Variants in PARP14 observed in about 807,000 individuals in gnomAD.
The protein encoded by PARP14 is poly(ADP-ribose) polymerase family member 14.
PARP14 carries 59 observed loss-of-function variants against 154.2 expected under a neutral mutation model. The ratio of observed to expected loss-of-function variants is 0.38; its 90% CI spans 0.31 to 0.48. PARP14 has a LOEUF of 0.48. Among genes scored for constraint, PARP14 ranks in the 20% least tolerant of loss-of-function variants. The pLI is 0.98. For synonymous variants in PARP14, 720 were observed against 780.5 expected (o/e 0.92, Z 1.29); for missense variants, 1,734 against 2,131.6 (o/e 0.81, Z 3.67).
intron 1 of PARP14, among the ~76,000 whole-genome samples, chr3:122,684,635 C>G (rs1192412483): frequency 6.6e-6 from 1 of 151,984 alleles, no homozygotes; most frequent in African/African-American, 2.4e-5. Flanking sequence ...AAAATCTCCC[C>G]CTTCTTTTAT....
chr3:122,700,279 T>C lies in PARP14; in HGVS notation c.1725T>C (p.Val575=). 3 of 1,613,264 alleles carry C rather than the reference T, an allele frequency of 1.9e-6. No individual in the cohort carries two copies. Among genetic ancestry groups the C allele is most frequent in the Non-Finnish European group, 2.5e-6 (3 of 1,179,524 alleles). The part of the protein sequence containing the change: ...LALYELEGTT[V]LLTSCSSEAL... Reference sequence around the variant, plus strand: ...TTTATGAGCTAGAGGGTACAACTGTTCTCTTAACCAGCTGTTCTTCTGAAG... The same window carrying C: ...TTTATGAGCTAGAGGGTACAACTGTCCTCTTAACCAGCTGTTCTTCTGAAG... Residue 575 remains valine (V), a synonymous_variant, in exon 6 of 17, where the codon GTT becomes GTC. Coordinates refer to ENST00000474629, the MANE Select transcript of PARP14 (RefSeq NM_017554.3).
intron 4 of PARP14, among the ~76,000 whole-genome samples, chr3:122,693,242 G>A (rs1938597003): frequency 6.6e-6 from 1 of 152,198 alleles, no homozygotes; most frequent in African/African-American, 2.4e-5. Flanking sequence ...CAGACAATGA[G>A]TGCTCTTTAA....
At chr3:122,713,310 T>G in intron 9 of PARP14, 114 bp from the exon 10 acceptor site, 1 of 754,032 alleles carries the variant, frequency 1.3e-6, no homozygotes, top group Non-Finnish European at 2.1e-6. Context: ...AGACCAGAGG[T>G]CACAGAAAGA....
chr3:122,683,886 G>A (rs1346973762), intron 1 of PARP14, among the ~76,000 whole-genome samples: 1 of 152,168 alleles, frequency 6.6e-6, no homozygotes, highest in Non-Finnish European at 1.5e-5. Context: ...TAAATAACTT[G>A]ACTTACAAAA....
At chr3:122,690,700 C>T (rs960147126) in intron 3 of PARP14, among the ~76,000 whole-genome samples, 1 of 152,160 alleles carries the variant, frequency 6.6e-6, no homozygotes, top group Non-Finnish European at 1.5e-5. Context: ...TTGGTAGAGA[C>T]AGGGTTTCAT....
At position 122,713,543 on chromosome 3, in the gene PARP14, T is replaced by G; in HGVS notation, c.3739T>G (p.Ser1247Ala). The stretch of plus-strand genomic sequence containing the variant: ...AGAAGAGGCAGATGTGATTGTAAAT[T>G]CAACATCAAACTCATTCAATCTCAA... ...TKEEADVIVN[S>A]TSNSFNLKAG... Residue 1247 changes from serine to alanine, a missense_variant, in exon 10 of 17, where the codon TCA becomes GCA. Coordinates refer to ENST00000474629, the MANE Select transcript of PARP14 (RefSeq NM_017554.3). 6.2e-7 allele frequency: 1 copy of G among 1,613,816 alleles called. No individual in the cohort carries two copies. Among genetic ancestry groups the G allele is most frequent in the Non-Finnish European group, 8.5e-7 (1 of 1,179,724 alleles).
rs1426842404 is a variant in PARP14 at position 122,699,790 on chromosome 3, C to T, written c.1236C>T (p.Thr412=). The stretch of plus-strand genomic sequence containing the variant: ...AAGTGGATCCAACAATGTGGGACAC[C>T]ATAAAAAATGATGTGAAAGATGACA... The part of the protein sequence containing the change: ...PIKVDPTMWD[T]IKNDVKDDRI... The change falls in exon 6 of 17, where the codon ACC becomes ACT. Residue 412 remains threonine, a synonymous_variant. Coordinates refer to ENST00000474629, the MANE Select transcript of PARP14 (RefSeq NM_017554.3). 5.0e-6 allele frequency: 8 copies of T among 1,613,754 alleles called. No homozygotes were observed. The highest frequency in any genetic ancestry group is 6.8e-6 in the Non-Finnish European group (8 of 1,179,812).
At chr3:122,684,671 C>A (rs1003873784) in intron 1 of PARP14, among the ~76,000 whole-genome samples, 10 of 151,948 alleles carry the variant, frequency 6.6e-5, no homozygotes, top group Non-Finnish European at 1.2e-4. Context: ...AGATGTGAGA[C>A]CTGTTTCTAA....
At position 122,695,428 on chromosome 3, in the gene PARP14, A is replaced by G. The variant is rs763878909; in HGVS notation, c.601A>G (p.Thr201Ala). 1.4e-6 allele frequency: 2 copies of G among 1,461,168 alleles called. No individual in the cohort carries two copies. Among genetic ancestry groups the G allele is most frequent in the South Asian group, 1.2e-5 (1 of 83,474 alleles). 90.5% of individuals were successfully genotyped at this position (1,461,168 alleles called of 1,614,324 possible). ...TTCTTTTTTTTTTTGGTTTGTAGAT[A>G]CTATAAGATTTGTTGATGATTGTAC... ...AVVTFQKHIDTIRFVDDCTKH... is the reference protein window; with the variant it reads ...AVVTFQKHIDAIRFVDDCTKH... The change falls in exon 5 of 17, where the codon ACT (threonine) becomes GCT (alanine). Residue 201 changes from threonine to alanine, a missense_variant and splice_region_variant. Physicochemically the swap from Thr to Ala is moderately conservative, Grantham distance 58. Around this residue, in one of 2 missense-constraint regions of PARP14, gnomAD observed 1,646 missense variants for 1,976.0 expected, o/e 0.83. Coordinates refer to ENST00000474629, the MANE Select transcript of PARP14 (RefSeq NM_017554.3).
At chr3:122,691,153 G>A (rs1043210830) in intron 3 of PARP14, among the ~76,000 whole-genome samples, 2 of 152,108 alleles carry the variant, frequency 1.3e-5, no homozygotes, top group South Asian at 2.1e-4. Flanking sequence ...CATTTTATGT[G>A]GCCACTGCGA....
Position 122,693,034 on chromosome 3 carries a change from A to G in PARP14, c.598+491A>G, listed in dbSNP as rs114866825. On this transcript the variant is annotated intron_variant, in intron 4 of 16. Coordinates refer to ENST00000474629, the MANE Select transcript of PARP14 (RefSeq NM_017554.3). The stretch of plus-strand genomic sequence containing the variant: ...GTGTATTAATTTATTTGTCCTTTCC[A>G]AAACCTTATGAGATTATTATTATTG... Among the ~76,000 whole-genome samples, 885 of 152,324 alleles carry G rather than the reference A, an allele frequency of 5.8e-3. 7 individuals are homozygous for G. Among genetic ancestry groups the G allele is most frequent in the African/African-American group, 0.02 (835 of 41,562 alleles).
rs373658584 is a variant in PARP14 at position 122,713,415 on chromosome 3, T to C, written c.3620-9T>C. On this transcript the variant is annotated splice_polypyrimidine_tract_variant and intron_variant, in intron 9 of 16. Transcript: ENST00000474629. ...ACTCGGTTATTGACTTTACTTCTTT[T>C]CTTTTCAGGTTTTTATGGGACTGTT... The C allele has an allele frequency of 6.9e-6, 11 of 1,605,324 alleles. No individual in the cohort carries two copies. The highest frequency in any genetic ancestry group is 1.1e-5 in the South Asian group (1 of 90,392).
chr3:122,689,892 T>G (rs1172488547), intron 3 of PARP14, among the ~76,000 whole-genome samples: 2 of 152,226 alleles, frequency 1.3e-5, no homozygotes, highest in African/African-American at 4.8e-5. Context: ...TCTGCACAAT[T>G]GTGCGCCTTT....
intron 2 of PARP14, 81 bp from the exon 3 acceptor site, chr3:122,686,999 C>A: frequency 1.0e-6 from 1 of 960,936 alleles, no homozygotes. Flanking sequence ...CCCTCCATCT[C>A]CAGGCTGGTC....
intron 3 of PARP14, among the ~76,000 whole-genome samples, chr3:122,688,448 A>C (rs1342134683): frequency 6.6e-6 from 1 of 152,116 alleles, no homozygotes; most frequent in Non-Finnish European, 1.5e-5. Flanking sequence ...TAGACTTTTC[A>C]TTGTCCTGGG....
Position 122,720,543 on chromosome 3 carries a change from G to T in PARP14, c.4941+155G>T. 5.6e-6 allele frequency: 4 copies of T among 708,766 alleles called. No homozygotes were observed. The South Asian group carries it at 6.2e-5, about 11-fold the overall frequency. 43.9% of individuals were successfully genotyped at this position (708,766 alleles called of 1,614,324 possible). A position where few individuals can be genotyped will look rare whatever the true frequency, so the allele number is the denominator to read the frequency against. On this transcript the variant is annotated intron_variant, in intron 15 of 16. Transcript: ENST00000474629. ...TAGTAGTTCTAGATTCTACTCATGT[G>T]ACCATAATTACTGAGGCATTAAGAT...
chr3:122,690,557 A>G (rs1438351761), intron 3 of PARP14, among the ~76,000 whole-genome samples: 3 of 152,120 alleles, frequency 2.0e-5, no homozygotes, highest in African/African-American at 7.2e-5. Context: ...AATCGCCCAG[A>G]CTGGAGTGCA....
intron 8 of PARP14, among the ~76,000 whole-genome samples, chr3:122,705,179 A>G (rs1576591937): frequency 6.6e-6 from 1 of 152,384 alleles, no homozygotes. Context: ...AAAAAGTAAC[A>G]TAACCACAAT....
In PARP14 at chr3:122,718,822, G is replaced by A. The variant is rs1350958954; in HGVS notation, c.4671G>A (p.Glu1557=). ...ACAAAATGACCAATCTGAAATTAGA[G>A]GATGCAAGGAGAGAAAAGAAAAAAA... ...CFNKMTNLKL[E]DARREKKKTV... The change falls in exon 14 of 17, where the codon GAG becomes GAA. Residue 1557 remains glutamate, a synonymous_variant. Coordinates refer to ENST00000474629, the MANE Select transcript of PARP14 (RefSeq NM_017554.3). The A allele has an allele frequency of 6.2e-7, 1 of 1,613,744 alleles. No homozygotes were observed.
Sources: gnomAD v4.1 joint callset for allele counts (sites outside exome capture counted in the v4.1 genomes callset) on GRCh38, gnomAD v4.1.1 for gene constraint, gnomAD v4.1.1 regional missense constraint, MANE v1.5 for transcripts, NCBI Gene and HGNC (gene_info 2026-07-23, HGNC 2026-07-21) for gene names.